The following C10orf67 variants were observed in gnomAD, a reference collection of about 807,000 sequenced individuals.
The protein encoded by C10orf67 is uncharacterized protein C10orf67, mitochondrial.
In C10orf67, 60 loss-of-function variants were observed where a neutral mutation model predicts 35.6. That is an observed-to-expected ratio of 1.68 (90% confidence interval 1.37 to 2.09). The LOEUF (loss-of-function observed/expected upper bound fraction) is 2.09, where lower values mean the gene tolerates loss of function less well. Ranked by LOEUF, C10orf67 falls within the 30% of genes most tolerant of loss-of-function variation. C10orf67 has a pLI of 0.00. For synonymous variants in C10orf67, 167 were observed against 115.8 expected (o/e 1.44, Z -2.84); for missense variants, 474 against 330.2 (o/e 1.44, Z -3.38).
chr10:23,259,256 T>C (rs968955989), intron 10 of C10orf67, among the ~76,000 whole-genome samples: 3 of 152,226 alleles, frequency 2.0e-5, no homozygotes, highest in Non-Finnish European at 4.4e-5. Flanking sequence ...TATCAAGCTA[T>C]TCTGTATATC....
intron 13 of C10orf67, among the ~76,000 whole-genome samples, chr10:23,224,249 C>T (rs1216572152): frequency 6.6e-6 from 1 of 152,212 alleles, no homozygotes. Context: ...GCCTCCGCTG[C>T]TGATACCCGG....
At chr10:23,218,797 A>G (rs1841501737) in intron 15 of C10orf67, among the ~76,000 whole-genome samples, 1 of 152,180 alleles carries the variant, frequency 6.6e-6, no homozygotes, top group Admixed American at 6.5e-5. Context: ...TATATGTGGA[A>G]TCTATTGTTT....
chr10:23,233,131 T>C (rs952571654), intron 13 of C10orf67, among the ~76,000 whole-genome samples: 4 of 152,178 alleles, frequency 2.6e-5, no homozygotes, highest in African/African-American at 9.7e-5. Flanking sequence ...CACTCCAGTC[T>C]GGGTGACAGA....
At chr10:23,333,248 C>G (rs939287987) in intron 1 of C10orf67, 66 bp from the exon 2 acceptor site, 8 of 1,417,500 alleles carry the variant, frequency 5.6e-6, no homozygotes, top group Non-Finnish European at 6.8e-6. Context: ...GATGTTAATG[C>G]GTCTTTTTTT....
At chr10:23,210,855 C>A (rs893645316) in intron 15 of C10orf67, among the ~76,000 whole-genome samples, 2 of 152,164 alleles carry the variant, frequency 1.3e-5, no homozygotes, top group Non-Finnish European at 2.9e-5. Context: ...AAAGAAGTAG[C>A]TTTCTAACTG....
chr10:23,255,391 G>T (rs1375557401), intron 10 of C10orf67, among the ~76,000 whole-genome samples: 1 of 152,118 alleles, frequency 6.6e-6, no homozygotes, highest in Non-Finnish European at 1.5e-5. Context: ...CAAAGGGCTC[G>T]GAGGCATCTT....
chr10:23,287,317 C>A (rs1004491012), intron 7 of C10orf67, among the ~76,000 whole-genome samples: 1 of 152,068 alleles, frequency 6.6e-6, no homozygotes, highest in Non-Finnish European at 1.5e-5. Flanking sequence ...TCAGAAATAA[C>A]ACCACACATC....
intron 15 of C10orf67, among the ~76,000 whole-genome samples, chr10:23,209,829 G>C (rs1487089233): frequency 6.6e-6 from 1 of 151,682 alleles, no homozygotes; most frequent in Non-Finnish European, 1.5e-5. Context: ...GCAAAATCTT[G>C]TCTCTACCAA....
chr10:23,213,642 T>C (rs1588576643), intron 15 of C10orf67, among the ~76,000 whole-genome samples: 2 of 152,290 alleles, frequency 1.3e-5, no homozygotes, highest in East Asian at 1.9e-4. Flanking sequence ...GAAGTAATGA[T>C]ACTTCTAAAC....
intron 13 of C10orf67, among the ~76,000 whole-genome samples, chr10:23,237,848 C>T (rs536700364): frequency 6.6e-6 from 1 of 152,320 alleles, no homozygotes; most frequent in South Asian, 2.1e-4. Flanking sequence ...TGCTCAATGC[C>T]TTGACTTAGA....
intron 5 of C10orf67, 150 bp from the exon 6 acceptor site, chr10:23,291,429 T>C: frequency 1.7e-6 from 1 of 579,482 alleles, no homozygotes; most frequent in Non-Finnish European, 3.0e-6. Context: ...GGAGCCTAAA[T>C]AGAGCTTGCT....
intron 15 of C10orf67, among the ~76,000 whole-genome samples, chr10:23,222,606 C>T (rs772014027): frequency 1.8e-4 from 27 of 151,568 alleles, no homozygotes; most frequent in Non-Finnish European, 3.5e-4. Flanking sequence ...CAGCATCATG[C>T]GATACATCTA....
chr10:23,209,866 G>C (rs1476348184), intron 15 of C10orf67, among the ~76,000 whole-genome samples: 3 of 151,946 alleles, frequency 2.0e-5, no homozygotes, highest in African/African-American at 7.2e-5. Flanking sequence ...TGGGCGTGGT[G>C]GCGCACACCT....
intron 10 of C10orf67, among the ~76,000 whole-genome samples, chr10:23,265,577 G>T (rs994798856): frequency 6.6e-6 from 1 of 152,230 alleles, no homozygotes; most frequent in Non-Finnish European, 1.5e-5. Context: ...ACTAAGAGTT[G>T]TAGAAATACA....
At chr10:23,287,769 T>C (rs950419698) in intron 7 of C10orf67, among the ~76,000 whole-genome samples, 8 of 151,946 alleles carry the variant, frequency 5.3e-5, no homozygotes, top group African/African-American at 1.9e-4. Flanking sequence ...TAATCAAATT[T>C]ACAAGAAAAA....
chr10:23,264,886 C>G (rs938370512), intron 10 of C10orf67, among the ~76,000 whole-genome samples: 2 of 152,236 alleles, frequency 1.3e-5, no homozygotes, highest in Non-Finnish European at 2.9e-5. Context: ...GCTGACCCAG[C>G]CTTGGGCCCC....
chr10:23,260,224 A>T (rs562792697), intron 10 of C10orf67, among the ~76,000 whole-genome samples: 115 of 152,314 alleles, frequency 7.6e-4, no homozygotes, highest in African/African-American at 2.7e-3. Flanking sequence ...AAGCCGAAAG[A>T]GGGTGTAGTC....
At chr10:23,309,524 A>G (rs561097143) in intron 4 of C10orf67, among the ~76,000 whole-genome samples, 3 of 152,302 alleles carry the variant, frequency 2.0e-5, no homozygotes, top group Admixed American at 6.5e-5. Flanking sequence ...ATGCACATAT[A>G]CCCTCTGAAT....
At chr10:23,231,817 A>G (rs1056999735) in intron 13 of C10orf67, among the ~76,000 whole-genome samples, 1 of 152,236 alleles carries the variant, frequency 6.6e-6, no homozygotes, top group Non-Finnish European at 1.5e-5. Context: ...AATATTTGCA[A>G]TGGGTGAATC....
Sources: allele counts gnomAD v4.1 joint callset (sites outside exome capture counted in the v4.1 genomes callset), GRCh38; gene constraint gnomAD v4.1.1; transcripts MANE v1.5; gene names NCBI Gene and HGNC (gene_info 2026-07-23, HGNC 2026-07-21).